NDUFA10: variants seen among roughly 807,000 people sequenced by gnomAD.
NDUFA10 encodes NADH dehydrogenase [ubiquinone] 1 alpha subcomplex subunit 10, mitochondrial.
In NDUFA10, 40 loss-of-function variants were observed where a neutral mutation model predicts 47.8. The observed-to-expected ratio is 0.84, with a 90% CI of 0.65 to 1.09. The LOEUF (loss-of-function observed/expected upper bound fraction) is 1.09, where lower values mean the gene tolerates loss of function less well. NDUFA10 is among the 50% of genes least tolerant of loss of function. NDUFA10 has a pLI of 0.00. For synonymous variants in NDUFA10, 183 were observed against 172.2 expected (o/e 1.06, Z -0.49); for missense variants, 413 against 451.1 (o/e 0.92, Z 0.76).
intron 9 of NDUFA10, among the ~76,000 whole-genome samples, chr2:239,984,078 C>A (rs145385533): frequency 6.6e-6 from 1 of 151,862 alleles, no homozygotes; most frequent in East Asian, 1.9e-4. Context: ...ACTAAAAATA[C>A]AAAAATTAGC....
At chr2:240,007,179 A>C in intron 7 of NDUFA10, 137 bp downstream of exon 7, 3 of 708,958 alleles carry the variant, frequency 4.2e-6, no homozygotes, top group Non-Finnish European at 7.6e-6. Context: ...GATGGGTTTG[A>C]CTGGCACTGC....
At chr2:239,961,259 C>T in intron 9 of NDUFA10, 73 bp from the exon 10 acceptor site, 1 of 1,609,788 alleles carries the variant, frequency 6.2e-7, no homozygotes, top group Non-Finnish European at 8.5e-7. Flanking sequence ...AGTTCAATGT[C>T]TACCCGGCAG....
chr2:239,899,021 C>A lies in NDUFA10; in HGVS notation c.295-3707G>T, dbSNP rs140987088. ...ATGGAGAGGTGTGATGGAGGGGAGTCATGGAGGGGTGTAAAGGAGGGGTGT... is the reference window on the plus strand; with the variant it reads ...ATGGAGAGGTGTGATGGAGGGGAGTAATGGAGGGGTGTAAAGGAGGGGTGT... On this transcript the variant is annotated intron_variant, in intron 4 of 5. Coordinates refer to the NDUFA10 transcript ENST00000419408. Among the ~76,000 whole-genome samples, 45 of 45,040 alleles carry A rather than the reference C, an allele frequency of 1.0e-3. 2 individuals are homozygous for A. Among genetic ancestry groups the A allele is most frequent in the Middle Eastern group, 0.023 (1 of 44 alleles). The allele number at this position is 45,040 out of a possible 152,430, so 29.5% of individuals were successfully genotyped here.
chr2:239,960,137 CCCACAGTTCAGT>C lies in NDUFA10; in HGVS notation c.*969_*980del. 1 of 985,274 alleles carries C rather than the reference CCCACAGTTCAGT, an allele frequency of 1.0e-6. No individual in the cohort carries two copies. Among genetic ancestry groups the C allele is most frequent in the African/African-American group, 1.7e-5 (1 of 57,182 alleles). The allele number at this position is 985,274 out of a possible 1,614,324, so 61.0% of individuals were successfully genotyped here. A position where few individuals can be genotyped will look rare whatever the true frequency, so the allele number is the denominator to read the frequency against. On this transcript the variant is annotated 3_prime_UTR_variant, in exon 10 of 10. Coordinates refer to ENST00000252711, the MANE Select transcript of NDUFA10 (RefSeq NM_004544.4). Reference sequence around the variant, plus strand: ...CACAGTGGAGCTTTACAGTGGAAAACCCACAGTTCAGTAGGACTCACAACTGGCAGCCTGATT... The same window carrying C: ...CACAGTGGAGCTTTACAGTGGAAAACAGGACTCACAACTGGCAGCCTGATT...
intron 4 of NDUFA10, among the ~76,000 whole-genome samples, chr2:239,937,053 C>T (rs1694277471): frequency 1.3e-5 from 2 of 152,334 alleles, no homozygotes; most frequent in Admixed American, 6.5e-5. Flanking sequence ...TGGCCACATG[C>T]CCCCTCTTGA....
intron 1 of NDUFA10, 128 bp downstream of exon 1, chr2:240,025,099 C>G (rs941022392): frequency 2.1e-6 from 2 of 963,988 alleles, no homozygotes; most frequent in South Asian, 3.9e-5. Flanking sequence ...AGGAGGGGTC[C>G]CCCAAACCCA....
intron 4 of NDUFA10, among the ~76,000 whole-genome samples, chr2:239,896,460 C>A (rs67539548): frequency 0.13 from 19,270 of 152,210 alleles, 1,337 homozygotes; most frequent in South Asian, 0.18. Context: ...ATGTTAAACA[C>A]CACCACAAGG....
chr2:239,951,818 G>A (rs1008187472), intron 4 of NDUFA10, among the ~76,000 whole-genome samples: 1 of 152,266 alleles, frequency 6.6e-6, no homozygotes, highest in Non-Finnish European at 1.5e-5. Context: ...TCCCAGGCCT[G>A]GTCCCAACGG....
intron 4 of NDUFA10, among the ~76,000 whole-genome samples, chr2:239,909,619 A>T (rs563852744): frequency 3.9e-5 from 6 of 152,360 alleles, no homozygotes; most frequent in African/African-American, 1.4e-4. Flanking sequence ...TCTCAAAAAC[A>T]AAAGCAAAAC....
chr2:240,013,615 AATAGAAAGGC>A, intron 5 of NDUFA10: 1 of 152,380 alleles, frequency 6.6e-6, no homozygotes, highest in Non-Finnish European at 1.5e-5. Context: ...CCAGAGTGGC[AATAGAAAGGC>A]ATACATAGAC....
chr2:239,934,546 G>C (rs769851717), intron 4 of NDUFA10, among the ~76,000 whole-genome samples: 2 of 152,174 alleles, frequency 1.3e-5, no homozygotes, highest in African/African-American at 2.4e-5. Flanking sequence ...ATAATGTACA[G>C]TGATCAGATC....
intron 8 of NDUFA10, among the ~76,000 whole-genome samples, chr2:239,992,918 C>T (rs1244833129): frequency 6.6e-6 from 1 of 152,114 alleles, no homozygotes; most frequent in Non-Finnish European, 1.5e-5. Flanking sequence ...GGCATGTTTA[C>T]AATAATTATG....
At chr2:239,967,975 A>ATACACACACACAC (rs1559330888) in intron 9 of NDUFA10, among the ~76,000 whole-genome samples, 2 of 42,086 alleles carry the variant, frequency 4.8e-5, no homozygotes, top group Admixed American at 5.6e-4. Flanking sequence ...CAAGGAAAAA[A>ATACACACACACAC]ATATACACAC....
intron 8 of NDUFA10, among the ~76,000 whole-genome samples, chr2:239,991,265 G>A (rs1359772327): frequency 1.3e-5 from 2 of 152,130 alleles, no homozygotes; most frequent in Admixed American, 6.5e-5. Flanking sequence ...TAGGTATAGC[G>A]TCAGGAGCGT....
intron 4 of NDUFA10, among the ~76,000 whole-genome samples, chr2:239,918,256 C>T (rs1169418111): frequency 6.6e-6 from 1 of 151,972 alleles, no homozygotes; most frequent in Non-Finnish European, 1.5e-5. Context: ...TGGGTATTTT[C>T]CACTGAGGTC....
In NDUFA10 at chr2:239,992,405, C is replaced by T. The variant is rs371232819; in HGVS notation, c.891-2223G>A. Among the ~76,000 whole-genome samples the T allele has an allele frequency of 2.0e-5, 3 of 152,280 alleles. No individual in the cohort carries two copies. The South Asian group carries it at 6.2e-4, about 32-fold the overall frequency. On this transcript the variant is annotated intron_variant, in intron 8 of 9. Coordinates refer to ENST00000252711, the MANE Select transcript of NDUFA10 (RefSeq NM_004544.4). ...GTGTTTTATGACTCAAGCTGTTTCC[C>T]AATTAACTGAATGTCAACACTTTGT...
chr2:240,022,955 A>G (rs1405355060), intron 1 of NDUFA10, among the ~76,000 whole-genome samples: 1 of 152,110 alleles, frequency 6.6e-6, no homozygotes, highest in Non-Finnish European at 1.5e-5. Context: ...CGTCTTTGAT[A>G]CCTTTCTCCT....
At chr2:239,948,893 T>G (rs901894397) in intron 4 of NDUFA10, among the ~76,000 whole-genome samples, 2 of 152,184 alleles carry the variant, frequency 1.3e-5, no homozygotes, top group African/African-American at 4.8e-5. Flanking sequence ...CACACAAAGA[T>G]AAAGCGTGCA....
chr2:239,963,152 C>T (rs6722915), intron 9 of NDUFA10, among the ~76,000 whole-genome samples: 6 of 151,598 alleles, frequency 4.0e-5, no homozygotes, highest in African/African-American at 1.2e-4. Flanking sequence ...GGGACACACA[C>T]AAAAAAAGAA....
Sources: allele counts gnomAD v4.1 joint callset (sites outside exome capture counted in the v4.1 genomes callset), GRCh38; gene constraint gnomAD v4.1.1; transcripts MANE v1.5; gene names NCBI Gene and HGNC (gene_info 2026-07-23, HGNC 2026-07-21).